ARMCX4: variants seen among roughly 807,000 people sequenced by gnomAD.
ARMCX4 encodes armadillo repeat-containing X-linked protein 4.
Under a neutral mutation model 34.7 loss-of-function variants are expected in ARMCX4, and 3 were observed. The observed-to-expected ratio is 0.09, with a 90% CI of 0.04 to 0.22. ARMCX4 has a LOEUF of 0.22. Among genes scored for constraint, ARMCX4 ranks in the 10% least tolerant of loss-of-function variants. The pLI is 1.00. For missense variants in ARMCX4, 1,448 were observed against 1,720.8 expected (o/e 0.84, Z 2.81); for synonymous variants, 513 against 632.8 (o/e 0.81, Z 2.84).
intron 11 of ARMCX4, among the ~76,000 whole-genome samples, chrX:101,525,832 A>C (rs1418240826): frequency 8.9e-6 from 1 of 112,021 alleles, no homozygotes; most frequent in Non-Finnish European, 1.9e-5. Flanking sequence ...AAAGCCTCAA[A>C]GAAATATGGG....
At chrX:101,514,848 G>C (rs781878925) in intron 11 of ARMCX4, among the ~76,000 whole-genome samples, 18 of 111,811 alleles carry the variant, frequency 1.6e-4, no homozygotes, top group Non-Finnish European at 3.2e-4. Context: ...TGGAAGGGCT[G>C]TCTTTACTGG....
intron 11 of ARMCX4, among the ~76,000 whole-genome samples, chrX:101,528,822 C>T (rs1935047955): frequency 9.1e-6 from 1 of 110,399 alleles, no homozygotes; most frequent in Non-Finnish European, 1.9e-5. Context: ...CACTGCTCAA[C>T]GAGATAAAAA....
chrX:101,488,360 T>C, intron 5 of ARMCX4, 84 bp from the exon 6 acceptor site: 7 of 907,558 alleles, frequency 7.7e-6, no homozygotes, highest in Non-Finnish European at 1.0e-5. Flanking sequence ...GGTTCTACCA[T>C]TTTCTGTTCC....
chrX:101,525,922 C>G (rs1353346362), intron 11 of ARMCX4, among the ~76,000 whole-genome samples: 1 of 111,766 alleles, frequency 8.9e-6, no homozygotes, highest in Non-Finnish European at 1.9e-5. Context: ...GGATATTATC[C>G]AGGAGAATTT....
chrX:101,436,651 A>G (rs1389185258), intron 2 of ARMCX4, among the ~76,000 whole-genome samples: 2 of 111,117 alleles, frequency 1.8e-5, no homozygotes, highest in Admixed American at 1.9e-4. Flanking sequence ...TCTCCTGCCT[A>G]ATTGCCTTGG....
intron 4 of ARMCX4, among the ~76,000 whole-genome samples, chrX:101,464,028 G>C (rs1047688167): frequency 2.7e-5 from 3 of 110,195 alleles, no homozygotes; most frequent in African/African-American, 9.9e-5. Context: ...AAAGTGCTGG[G>C]ATTATAGGCG....
At chrX:101,441,795 G>T (rs185636603) in intron 2 of ARMCX4, among the ~76,000 whole-genome samples, 1 of 111,539 alleles carries the variant, frequency 9.0e-6, no homozygotes, top group Non-Finnish European at 1.9e-5. Flanking sequence ...GGTCTCTACT[G>T]ATGGCCTGTG....
chrX:101,501,152 C>T (rs987438483), intron 7 of ARMCX4, among the ~76,000 whole-genome samples: 15 of 112,601 alleles, frequency 1.3e-4, no homozygotes, highest in African/African-American at 3.2e-5. Context: ...TATCACATTT[C>T]ACACCTGGAA....
chrX:101,434,723 G>T (rs189938954), intron 2 of ARMCX4, among the ~76,000 whole-genome samples: 69 of 108,397 alleles, frequency 6.4e-4, no homozygotes, highest in South Asian at 2.8e-3. Flanking sequence ...TGCCATGTTG[G>T]TGTGCTGCAC....
chrX:101,488,637 C>A lies in ARMCX4; in HGVS notation c.48C>A (p.Ile16=). The change falls in exon 6 of 6, where the codon ATC becomes ATA. Residue 16 remains isoleucine (I), a synonymous_variant. Coordinates refer to ENST00000423738, the MANE Select transcript of ARMCX4 (RefSeq NM_001256155.3). The stretch of plus-strand genomic sequence containing the variant: ...GCTGGGTGACTGCAGGACTGGTGAT[C>A]TGGGCTGGCACCTGCTACTACATTT... ...EVGWVTAGLV[I]WAGTCYYIYK... is the part of the protein sequence containing the mutation. The A allele has an allele frequency of 8.6e-7, 1 of 1,156,158 alleles. No individual in the cohort carries two copies. The highest frequency in any genetic ancestry group is 1.1e-6 in the Non-Finnish European group (1 of 872,981).
intron 2 of ARMCX4, among the ~76,000 whole-genome samples, chrX:101,431,779 G>A (rs1165665105): frequency 2.7e-5 from 3 of 112,026 alleles, no homozygotes; most frequent in Non-Finnish European, 5.6e-5. Flanking sequence ...TCCTGACCTT[G>A]TGATCTGCCC....
At position 101,503,753 on chromosome X, in the gene ARMCX4, G is replaced by C. The variant is rs1261654368; in HGVS notation, c.*1178-1184G>C. On this transcript the variant is annotated intron_variant and NMD_transcript_variant, in intron 7 of 12. Transcript: ENST00000354842. ...CTGTAGGTTGCCTGTTCACTCTGATGGTAGTTTCTTTTGCTGTGCAGAAGC... is the reference window on the plus strand; with the variant it reads ...CTGTAGGTTGCCTGTTCACTCTGATCGTAGTTTCTTTTGCTGTGCAGAAGC... Among the ~76,000 whole-genome samples, 3 of 110,852 alleles carry C rather than the reference G, an allele frequency of 2.7e-5. No individual in the cohort carries two copies. In the Admixed American group the frequency reaches 2.9e-4, roughly 11 times the overall value.
At chrX:101,501,175 C>T (rs1556013531) in intron 7 of ARMCX4, among the ~76,000 whole-genome samples, 2 of 112,378 alleles carry the variant, frequency 1.8e-5, no homozygotes, top group Non-Finnish European at 3.8e-5. Context: ...ACTGTTTCAC[C>T]CCATATACTG....
At chrX:101,431,066 C>G (rs1392155499) in intron 2 of ARMCX4, among the ~76,000 whole-genome samples, 2 of 111,492 alleles carry the variant, frequency 1.8e-5, no homozygotes, top group Non-Finnish European at 3.8e-5. Flanking sequence ...GGATCTAAGG[C>G]TCAGATGTTC....
At chrX:101,424,429 C>A in intron 2 of ARMCX4, among the ~76,000 whole-genome samples, 1 of 111,520 alleles carries the variant, frequency 9.0e-6, no homozygotes, top group Non-Finnish European at 1.9e-5. Context: ...TCATGGGAAC[C>A]CTGATTTACA....
At chrX:101,483,597 C>T (rs1348896611), upstream of ARMCX4, among the ~76,000 whole-genome samples, 3 of 111,012 alleles carry the variant, frequency 2.7e-5, no homozygotes, top group African/African-American at 9.8e-5. Flanking sequence ...TCTTTTGGCA[C>T]ATTTTTCTAT....
chrX:101,513,441 G>A (rs1211899549), intron 11 of ARMCX4, among the ~76,000 whole-genome samples: 2 of 111,751 alleles, frequency 1.8e-5, no homozygotes, highest in Non-Finnish European at 3.8e-5. Flanking sequence ...AGAAGAGGAC[G>A]CAAAGTCCTT....
chrX:101,467,281 C>T (rs1456911342), intron 4 of ARMCX4, among the ~76,000 whole-genome samples: 1 of 111,514 alleles, frequency 9.0e-6, no homozygotes, highest in East Asian at 2.8e-4. Flanking sequence ...ACCTGAGTAG[C>T]TGGGATTACA....
intron 2 of ARMCX4, among the ~76,000 whole-genome samples, chrX:101,420,398 G>T (rs1929166417): frequency 9.0e-6 from 1 of 111,627 alleles, no homozygotes; most frequent in South Asian, 3.7e-4. Context: ...CCAATTTATT[G>T]CCAGGCATTG....
Sources: allele counts gnomAD v4.1 joint callset (sites outside exome capture counted in the v4.1 genomes callset), GRCh38; gene constraint gnomAD v4.1.1; transcripts MANE v1.5; gene names NCBI Gene and HGNC (gene_info 2026-07-23, HGNC 2026-07-21).